Variants in MTAP observed in about 807,000 individuals in gnomAD.
MTAP encodes S-methyl-5'-thioadenosine phosphorylase.
Under a neutral mutation model 33.6 loss-of-function variants are expected in MTAP, and 33 were observed. That is an observed-to-expected ratio of 0.98 (90% CI 0.74 to 1.31). The LOEUF is 1.31. Among genes scored for constraint, MTAP ranks in the 40% most tolerant of loss-of-function variants. The pLI is 0.00. For synonymous variants in MTAP, 148 were observed against 125.7 expected (o/e 1.18, Z -1.19); for missense variants, 367 against 360.0 (o/e 1.02, Z -0.16).
rs1419756865 is a variant in MTAP at position 21,865,572 on chromosome 9, A to T, written c.*3558A>T. On this transcript the variant is annotated 3_prime_UTR_variant, in exon 8 of 8. Coordinates refer to ENST00000644715, the MANE Select transcript of MTAP (RefSeq NM_002451.4). ...GGATGGAAGAACCTGTGTTCTCCTC[A>T]TAATAGTATAGAATAATTCAAGATA... The T allele has an allele frequency of 1.0e-6, 1 of 985,740 alleles. No homozygotes were observed. Among genetic ancestry groups the T allele is most frequent in the African/African-American group, 1.7e-5 (1 of 57,242 alleles). 61.1% of individuals were successfully genotyped at this position (985,740 alleles called of 1,614,324 possible). A position where few individuals can be genotyped will look rare whatever the true frequency, so the allele number is the denominator to read the frequency against.
chr9:21,934,805 A>G (rs1176961966), downstream of MTAP: 1 of 151,876 alleles, frequency 6.6e-6, no homozygotes, highest in Non-Finnish European at 1.5e-5. The surrounding 1 kb of genome is among the most constrained non-coding windows in gnomAD (Gnocchi z 5.0). Context: ...GGTTCAAGCG[A>G]TTCTCCTACC....
downstream of MTAP, among the ~76,000 whole-genome samples, chr9:21,870,764 G>A (rs1054602399): frequency 6.7e-6 from 1 of 149,230 alleles, no homozygotes; most frequent in Non-Finnish European, 1.5e-5. Context: ...CAATTCAGAG[G>A]TTAAATTTTT....
chr9:21,913,867 T>C (rs1818627968), intron 1 of MTAP, among the ~76,000 whole-genome samples: 1 of 152,182 alleles, frequency 6.6e-6, no homozygotes, highest in South Asian at 2.1e-4. Context: ...GAGAAAATTT[T>C]TGCAATCTAC....
At chr9:21,888,248 C>T (rs1164823289) in intron 1 of MTAP, among the ~76,000 whole-genome samples, 3 of 152,012 alleles carry the variant, frequency 2.0e-5, no homozygotes, top group Non-Finnish European at 2.9e-5. Flanking sequence ...GTCATATGCT[C>T]TATGTTGGAG....
chr9:21,802,930 C>T (rs140798015), intron 1 of MTAP, 149 bp downstream of exon 1: 7 of 1,429,478 alleles, frequency 4.9e-6, no homozygotes, highest in Admixed American at 6.2e-5. Context: ...ACTCGGGACT[C>T]ACTTGCCGCG....
intron 1 of MTAP, among the ~76,000 whole-genome samples, chr9:21,907,523 C>T (rs562409293): frequency 2.7e-4 from 41 of 152,322 alleles, no homozygotes; most frequent in African/African-American, 9.4e-4. Flanking sequence ...CACCACTGCA[C>T]TGCAGCCTGT....
At chr9:21,868,477 T>C (rs1825888357), downstream of MTAP, among the ~76,000 whole-genome samples, 1 of 152,206 alleles carries the variant, frequency 6.6e-6, no homozygotes, top group Non-Finnish European at 1.5e-5. Context: ...GGGGCTGTCA[T>C]TCTCTTACAG....
At chr9:21,925,312 G>A (rs1818851159) in intron 1 of MTAP, among the ~76,000 whole-genome samples, 1 of 152,184 alleles carries the variant, frequency 6.6e-6, no homozygotes, top group East Asian at 1.9e-4. Flanking sequence ...AACTGGTCCT[G>A]AAGGACCATT....
intron 1 of MTAP, among the ~76,000 whole-genome samples, chr9:21,897,422 G>T (rs1317294069): frequency 6.6e-6 from 1 of 152,174 alleles, no homozygotes; most frequent in Non-Finnish European, 1.5e-5. Context: ...ATCCAATGAG[G>T]AAAAGAGGAA....
chr9:21,879,927 T>A (rs1340611458), intron 1 of MTAP, among the ~76,000 whole-genome samples: 1 of 152,138 alleles, frequency 6.6e-6, no homozygotes, highest in African/African-American at 2.4e-5. Context: ...GGGCTCCTTT[T>A]GTAGGCGGCC....
chr9:21,916,210 A>C (rs1045044919), intron 1 of MTAP, among the ~76,000 whole-genome samples: 1 of 152,154 alleles, frequency 6.6e-6, no homozygotes, highest in African/African-American at 2.4e-5. Context: ...TGGAAACTGA[A>C]TGTGGCCTCA....
chr9:21,884,475 T>C (rs979467663), intron 1 of MTAP, among the ~76,000 whole-genome samples: 2 of 152,176 alleles, frequency 1.3e-5, no homozygotes, highest in Non-Finnish European at 2.9e-5. Flanking sequence ...AAATTACATA[T>C]CTTAGTCAAT....
chr9:21,867,522 A>G (rs1165518409), downstream of MTAP, among the ~76,000 whole-genome samples: 3 of 152,122 alleles, frequency 2.0e-5, no homozygotes, highest in African/African-American at 7.2e-5. Context: ...TAGTCATGAT[A>G]TGTTATCCCC....
At chr9:21,930,538 C>T (rs963893028) in intron 1 of MTAP, 2 of 282,546 alleles carry the variant, frequency 7.1e-6, no homozygotes, top group African/African-American at 4.6e-5. Flanking sequence ...TTATGGGCCT[C>T]AGCATTATAG....
rs977943898 is a variant in MTAP at position 21,865,809 on chromosome 9, T to C, written c.*3795T>C. On this transcript the variant is annotated 3_prime_UTR_variant, in exon 8 of 8. Transcript: ENST00000644715. Reference sequence around the variant, plus strand: ...ATGCATTATTTCTTTGTTTTGAAGATTCACTCATGTTGCATGCATCTGTAG... The same window carrying C: ...ATGCATTATTTCTTTGTTTTGAAGACTCACTCATGTTGCATGCATCTGTAG... The C allele has an allele frequency of 9.9e-7, 1 of 1,009,164 alleles. No individual in the cohort carries two copies. Among genetic ancestry groups the C allele is most frequent in the Non-Finnish European group, 1.2e-6 (1 of 842,066 alleles). 62.5% of individuals were successfully genotyped at this position (1,009,164 alleles called of 1,614,324 possible).
intron 5 of MTAP, among the ~76,000 whole-genome samples, chr9:21,848,562 T>C (rs1190965112): frequency 2.0e-5 from 3 of 152,226 alleles, no homozygotes; most frequent in Non-Finnish European, 4.4e-5. Flanking sequence ...TGGAAATGCC[T>C]GATCTCCCTT....
chr9:21,940,290 T>G (rs945828133), downstream of MTAP, among the ~76,000 whole-genome samples: 1 of 152,264 alleles, frequency 6.6e-6, no homozygotes, highest in Non-Finnish European at 1.5e-5. Flanking sequence ...AAAAAGCTTA[T>G]GTAATGAATC....
At chr9:21,824,527 CAGTT>C (rs1348482789) in intron 4 of MTAP, among the ~76,000 whole-genome samples, 7 of 152,224 alleles carry the variant, frequency 4.6e-5, no homozygotes, top group East Asian at 1.9e-4. Flanking sequence ...GGGTGCCTCA[CAGTT>C]AGCCTACTCG....
intron 7 of MTAP, 78 bp from the exon 8 acceptor site, chr9:21,861,898 A>G (rs370160422): frequency 2.2e-5 from 20 of 923,460 alleles, no homozygotes; most frequent in Non-Finnish European, 3.5e-5. Context: ...AGAAAATCAA[A>G]ATCTGTTTTT....
Sources: allele counts gnomAD v4.1 joint callset (sites outside exome capture counted in the v4.1 genomes callset), GRCh38; gene constraint gnomAD v4.1.1; non-coding constraint Gnocchi (gnomAD v3.1); transcripts MANE v1.5; gene names NCBI Gene and HGNC (gene_info 2026-07-23, HGNC 2026-07-21).